The following TAOK1 variants were observed in gnomAD, a reference collection of about 807,000 sequenced individuals.
The protein encoded by TAOK1 is TAO kinase 1.
A neutral mutation model predicts 138.3 loss-of-function variants in TAOK1; 21 were observed. The ratio of observed to expected loss-of-function variants is 0.15; its 90% CI spans 0.11 to 0.22. The LOEUF is 0.22. Ranked by LOEUF, TAOK1 falls within the 10% of genes least tolerant of loss-of-function variation. TAOK1 has a pLI of 1.00. For missense variants in TAOK1, 651 were observed against 1,227.7 expected (o/e 0.53, Z 7.02); for synonymous variants, 361 against 398.4 (o/e 0.91, Z 1.12).
intron 2 of TAOK1, among the ~76,000 whole-genome samples, chr17:29,456,281 G>A (rs1453144973): frequency 6.7e-6 from 1 of 150,164 alleles, no homozygotes; most frequent in Non-Finnish European, 1.5e-5. Context: ...CCGTCCATGA[G>A]GTGGAGGTTG....
Position 29,534,177 on chromosome 17 carries a change from G to A in TAOK1, c.2421G>A (p.Gln807=), listed in dbSNP as rs755123552. ...AGGTTTTGAAGATGCAGCTGCAGCA[G>A]GAACTGGAGCTGTTGAATGCGTATC... ...ECQVLKMQLQ[Q]ELELLNAYQS... The change falls in exon 19 of 20, where the codon CAG becomes CAA. Residue 807 remains glutamine (Q), a synonymous_variant. Transcript: ENST00000261716. The A allele has an allele frequency of 1.9e-6, 3 of 1,613,438 alleles. No individual in the cohort carries two copies. Among genetic ancestry groups the A allele is most frequent in the South Asian group, 1.1e-5 (1 of 90,910 alleles).
intron 2 of TAOK1, among the ~76,000 whole-genome samples, chr17:29,453,387 C>CTA (rs2030292774): frequency 6.6e-6 from 1 of 151,948 alleles, no homozygotes; most frequent in African/African-American, 2.4e-5. Context: ...TCTCGATCTC[C>CTA]TATAGGCACG....
At chr17:29,409,308 CAT>C (rs1183993280) in intron 1 of TAOK1, among the ~76,000 whole-genome samples, 1,220 of 79,428 alleles carry the variant, frequency 0.015, 18 homozygotes, top group South Asian at 0.062. Context: ...TTTTTATGGA[CAT>C]ATATATATAT....
At chr17:29,524,870 C>T (rs1344828977) in intron 17 of TAOK1, among the ~76,000 whole-genome samples, 1 of 152,176 alleles carries the variant, frequency 6.6e-6, no homozygotes, top group African/African-American at 2.4e-5. Flanking sequence ...GCCTACTCCG[C>T]TGTTTCTTCA....
chr17:29,448,298 T>C (rs907637482), intron 1 of TAOK1, among the ~76,000 whole-genome samples: 1 of 152,106 alleles, frequency 6.6e-6, no homozygotes, highest in African/African-American at 2.4e-5. Context: ...AAAAACACAT[T>C]TTTATCAAAT....
intron 1 of TAOK1, among the ~76,000 whole-genome samples, chr17:29,444,472 A>G (rs990696699): frequency 6.6e-6 from 1 of 152,142 alleles, no homozygotes; most frequent in African/African-American, 2.4e-5. Context: ...CAGTGTAATG[A>G]TGTATTTCAG....
Position 29,394,150 on chromosome 17 carries a change from GTTTTTTTTTTTT to G in TAOK1, c.-95+3148_-95+3159del, listed in dbSNP as rs58117433. Among the ~76,000 whole-genome samples, 162 of 48,292 alleles carry G rather than the reference GTTTTTTTTTTTT, an allele frequency of 3.4e-3. 1 individual carries two copies. Among genetic ancestry groups the G allele is most frequent in the East Asian group, 0.027 (38 of 1,430 alleles). The allele number at this position is 48,292 out of a possible 152,430, so 31.7% of individuals were successfully genotyped here. A position where few individuals can be genotyped will look rare whatever the true frequency, so the allele number is the denominator to read the frequency against. Reference sequence around the variant, plus strand: ...TATGATTTATTTTAATAATTTGCCAGTTTTTTTTTTTTTTTTTTTTTTTTTTTTTTTTTGAGA... The same window carrying G: ...TATGATTTATTTTAATAATTTGCCAGTTTTTTTTTTTTTTTTTTTTTGAGA... On this transcript the variant is annotated intron_variant, in intron 1 of 19. Coordinates refer to ENST00000261716, the MANE Select transcript of TAOK1 (RefSeq NM_020791.4).
rs189908948 is a variant in TAOK1 at position 29,542,533 on chromosome 17, C to T, written c.2545-28C>T. On this transcript the variant is annotated intron_variant, in intron 19 of 19. Coordinates refer to ENST00000261716, the MANE Select transcript of TAOK1 (RefSeq NM_020791.4). ...TATAGACTTAAAAATAATAAATTGG[C>T]TTTCATTTTTCTTCCAATCTCCAAC... 6.4e-5 allele frequency: 97 copies of T among 1,526,162 alleles called. No homozygotes were observed. In the Admixed American group the frequency reaches 2.1e-3, roughly 33 times the overall value. The allele number at this position is 1,526,162 out of a possible 1,614,324, so 94.5% of individuals were successfully genotyped here.
chr17:29,482,723 G>GATAT (rs766574098), intron 8 of TAOK1, among the ~76,000 whole-genome samples: 36 of 148,552 alleles, frequency 2.4e-4, no homozygotes, highest in African/African-American at 8.2e-4. Flanking sequence ...GTAACAGTTT[G>GATAT]ATATATATAT....
chr17:29,422,464 C>T (rs953169311), intron 1 of TAOK1, among the ~76,000 whole-genome samples: 31 of 151,660 alleles, frequency 2.0e-4, no homozygotes, highest in Non-Finnish European at 2.8e-4. Flanking sequence ...GTGATCCGCC[C>T]GCCTCAGCCT....
At position 29,507,785 on chromosome 17, in the gene TAOK1, T is replaced by G. The variant is rs138269669; in HGVS notation, c.1339-111T>G. The G allele has an allele frequency of 1.5e-5, 14 of 955,808 alleles. No homozygotes were observed. In the African/African-American group the frequency reaches 2.1e-4, roughly 15 times the overall value. 59.2% of individuals were successfully genotyped at this position (955,808 alleles called of 1,614,324 possible). A position where few individuals can be genotyped will look rare whatever the true frequency, so the allele number is the denominator to read the frequency against. On this transcript the variant is annotated intron_variant, in intron 13 of 19. Coordinates refer to ENST00000261716, the MANE Select transcript of TAOK1 (RefSeq NM_020791.4). ...GAAATTTCCTTGGAATCTGCTAACA[T>G]TGGGATATTTTACACTAATTCCCTA... is the stretch of plus-strand genomic sequence containing the variant.
intron 19 of TAOK1, among the ~76,000 whole-genome samples, chr17:29,536,760 C>A (rs1165532516): frequency 7.0e-6 from 1 of 142,104 alleles, no homozygotes; most frequent in Non-Finnish European, 1.5e-5. Flanking sequence ...AGTGCAGTGG[C>A]GTGATCTCTG....
intron 11 of TAOK1, among the ~76,000 whole-genome samples, chr17:29,496,268 T>TTTTTA (rs1201063855): frequency 4.0e-5 from 6 of 151,722 alleles, no homozygotes; most frequent in Non-Finnish European, 8.8e-5. Context: ...ACCTGACTAA[T>TTTTTA]TTTTATTTTA....
At chr17:29,507,692 A>G (rs780989996) in intron 13 of TAOK1, among the ~76,000 whole-genome samples, 1 of 151,910 alleles carries the variant, frequency 6.6e-6, no homozygotes, top group South Asian at 2.1e-4. Flanking sequence ...ATTGTTTTGG[A>G]TATTCTAGGT....
At chr17:29,426,796 G>A (rs1317295843) in intron 1 of TAOK1, among the ~76,000 whole-genome samples, 1 of 152,118 alleles carries the variant, frequency 6.6e-6, no homozygotes, top group Non-Finnish European at 1.5e-5. Flanking sequence ...CTCTAACTTA[G>A]ATCTGAGCAA....
At chr17:29,533,038 G>A (rs1453774293) in intron 18 of TAOK1, among the ~76,000 whole-genome samples, 12 of 97,180 alleles carry the variant, frequency 1.2e-4, no homozygotes, top group Non-Finnish European at 1.9e-4. Flanking sequence ...CCTCCCTCCC[G>A]GATGGGGTGG....
chr17:29,526,101 C>A (rs2032005052), intron 17 of TAOK1, among the ~76,000 whole-genome samples: 1 of 152,040 alleles, frequency 6.6e-6, no homozygotes, highest in South Asian at 2.1e-4. Context: ...CATGGAAAAA[C>A]CCCATCTCTA....
chr17:29,512,231 T>G (rs2153029728), intron 15 of TAOK1: 1 of 149,192 alleles, frequency 6.7e-6, no homozygotes, highest in South Asian at 2.2e-4. Flanking sequence ...AATTTGTATA[T>G]ATTTTTTTAG....
chr17:29,471,123 A>G (rs186302628), intron 3 of TAOK1, among the ~76,000 whole-genome samples: 57 of 150,066 alleles, frequency 3.8e-4, no homozygotes, highest in African/African-American at 1.3e-3. Context: ...GTGCCACTGC[A>G]CTCCAGCCTG....
Sources: gnomAD v4.1 joint callset for allele counts (sites outside exome capture counted in the v4.1 genomes callset) on GRCh38, gnomAD v4.1.1 for gene constraint, MANE v1.5 for transcripts, NCBI Gene and HGNC (gene_info 2026-07-23, HGNC 2026-07-21) for gene names.